Variants in MEG3 observed in about 807,000 individuals in gnomAD.
The protein encoded by MEG3 is Very putative protein from MEG3 locus.
intron 1 of MEG3, chr14:100,860,671 T>G (rs1414790154): frequency 2.2e-6 from 1 of 456,674 alleles, no homozygotes; most frequent in South Asian, 1.5e-5. Context: ...GGCCTTCATC[T>G]GCAACTGTGT....
At chr14:100,860,604 C>G (rs1047483069) in intron 1 of MEG3, 11 of 454,818 alleles carry the variant, frequency 2.4e-5, no homozygotes, top group African/African-American at 2.0e-4. Flanking sequence ...TCCCTCCCTC[C>G]TGGGGCCTGC....
At chr14:100,827,196 C>A (rs1458306533) in intron 1 of MEG3, among the ~76,000 whole-genome samples, 2 of 152,108 alleles carry the variant, frequency 1.3e-5, no homozygotes, top group Non-Finnish European at 2.9e-5. Context: ...TTGTCAGAGT[C>A]AAGCCCCCCC....
intron 1 of MEG3, among the ~76,000 whole-genome samples, chr14:100,828,156 C>G (rs2037298637): frequency 6.6e-6 from 1 of 152,022 alleles, no homozygotes; most frequent in South Asian, 2.1e-4. Flanking sequence ...CACCCCCTGT[C>G]CATCCAGGCC....
At chr14:100,839,572 G>T (rs1443883794) in intron 2 of MEG3, among the ~76,000 whole-genome samples, 1 of 152,228 alleles carries the variant, frequency 6.6e-6, no homozygotes, top group African/African-American at 2.4e-5. Flanking sequence ...CACCTGGGCT[G>T]CCCACAGGTT....
intron 3 of MEG3, chr14:100,850,603 C>CAAAAAAAA (rs778741543): frequency 2.0e-5 from 2 of 97,990 alleles, no homozygotes; most frequent in African/African-American, 9.1e-5. Context: ...TATCTTAGAT[C>CAAAAAAAA]AAAAAAGAAA....
At chr14:100,827,246 G>A (rs1240510823) in intron 1 of MEG3, among the ~76,000 whole-genome samples, 1 of 152,074 alleles carries the variant, frequency 6.6e-6, no homozygotes, top group Non-Finnish European at 1.5e-5. Context: ...GGCCTGGTGG[G>A]GGCGCAGGCG....
At chr14:100,851,933 TTGTC>T (rs1235664300) in intron 3 of MEG3, 1 of 177,358 alleles carries the variant, frequency 5.6e-6, no homozygotes, top group Non-Finnish European at 1.2e-5. Flanking sequence ...GTGCCTGTGT[TTGTC>T]TGTAAAAGCA....
intron 3 of MEG3, chr14:100,847,020 G>A (rs1282525285): frequency 6.6e-6 from 1 of 150,510 alleles, no homozygotes; most frequent in Non-Finnish European, 1.5e-5. Flanking sequence ...AAACAACAAA[G>A]AAAGGTTAAA....
At chr14:100,860,983 C>T (rs1021004911) in exon 2 of MEG3, 2 of 284,690 alleles carry the variant, frequency 7.0e-6, no homozygotes, top group African/African-American at 2.3e-5. Flanking sequence ...GCTTGGCGCA[C>T]CCCACTGTGC....
exon 1 of MEG3, chr14:100,834,786 A>G (rs772574461): frequency 2.2e-6 from 1 of 456,632 alleles, no homozygotes; most frequent in South Asian, 1.5e-5. Context: ...ACCACAGCTG[A>G]GCCACTAGCT....
intron 2 of MEG3, among the ~76,000 whole-genome samples, chr14:100,838,343 C>T (rs567790027): frequency 6.4e-4 from 98 of 152,234 alleles, no homozygotes; most frequent in South Asian, 3.7e-3. Context: ...ATGAGTGTTT[C>T]GGTCTCAGGC....
At chr14:100,856,863 C>T (rs552719089), upstream of MEG3, 4 of 152,312 alleles carry the variant, frequency 2.6e-5, no homozygotes, top group African/African-American at 9.6e-5. Flanking sequence ...TCAAAAGGCC[C>T]TTCTGGGTGG....
At chr14:100,840,565 C>T (rs910544214) in intron 2 of MEG3, among the ~76,000 whole-genome samples, 6 of 152,200 alleles carry the variant, frequency 3.9e-5, no homozygotes, top group Non-Finnish European at 5.9e-5. Flanking sequence ...TGTGTGTTCC[C>T]TCCCAGGGGT....
chr14:100,844,851 T>C (rs564939378), intron 2 of MEG3, among the ~76,000 whole-genome samples: 1 of 152,224 alleles, frequency 6.6e-6, no homozygotes, highest in Non-Finnish European at 1.5e-5. Flanking sequence ...AGTTAAAACG[T>C]AAGGCAGATC....
chr14:100,843,751 C>A (rs2037828179), intron 2 of MEG3, among the ~76,000 whole-genome samples: 2 of 151,080 alleles, frequency 1.3e-5, no homozygotes, highest in African/African-American at 2.4e-5. Context: ...CCCTGAGAGG[C>A]CTGAGGACAG....
At chr14:100,839,159 C>T (rs1225182465) in intron 2 of MEG3, among the ~76,000 whole-genome samples, 1 of 152,148 alleles carries the variant, frequency 6.6e-6, no homozygotes, top group Non-Finnish European at 1.5e-5. Context: ...AGGAAGGGAG[C>T]TTCCTACAGA....
chr14:100,827,835 T>C (rs911756739), intron 1 of MEG3, among the ~76,000 whole-genome samples: 8 of 152,232 alleles, frequency 5.3e-5, no homozygotes, highest in African/African-American at 1.9e-4. Context: ...TGGGTCTTTC[T>C]GACTTTAGTG....
At chr14:100,834,805 C>T (rs988887390) in exon 1 of MEG3, 90 of 456,590 alleles carry the variant, frequency 2.0e-4, no homozygotes, top group African/African-American at 1.5e-3. Context: ...CTGGGCCATG[C>T]GAAGAGTTCT....
At chr14:100,841,444 G>A (rs1241899202) in intron 2 of MEG3, among the ~76,000 whole-genome samples, 1 of 152,236 alleles carries the variant, frequency 6.6e-6, no homozygotes, top group Non-Finnish European at 1.5e-5. Flanking sequence ...GAGGTCATCT[G>A]TCGTTTGTTT....
Sources: allele counts gnomAD v4.1 joint callset (sites outside exome capture counted in the v4.1 genomes callset), GRCh38; gene constraint gnomAD v4.1.1; transcripts MANE v1.5; gene names NCBI Gene and HGNC (gene_info 2026-07-23, HGNC 2026-07-21).